The following DLGAP2 variants were observed in gnomAD, a reference collection of about 807,000 sequenced individuals.
The protein encoded by DLGAP2 is disks large-associated protein 2.
Under a neutral mutation model 100.3 loss-of-function variants are expected in DLGAP2, and 26 were observed. The ratio of observed to expected loss-of-function variants is 0.26; its 90% confidence interval spans 0.19 to 0.36. The LOEUF is 0.36. Among genes scored for constraint, DLGAP2 ranks in the 10% least tolerant of loss-of-function variants. The probability of loss-of-function intolerance (pLI) is 1.00; values close to 1 mark genes in which losing one functional copy is unlikely to be tolerated. For synonymous variants in DLGAP2, 886 were observed against 630.1 expected, an observed-to-expected ratio of 1.41 and a Z score of -6.08; for missense variants, 1,858 against 1,453.2, an observed-to-expected ratio of 1.28 and a Z score of -4.53.
At chr8:1,453,179 G>C (rs1798210941) in intron 3 of DLGAP2, among the ~76,000 whole-genome samples, 1 of 152,104 alleles carries the variant, frequency 6.6e-6, no homozygotes, top group African/African-American at 2.4e-5. Context: ...GGCTGGGGTG[G>C]CCTACTGAGC....
intron 12 of DLGAP2, 183 bp downstream of exon 12, chr8:1,678,812 C>T (rs752352415): frequency 6.0e-6 from 4 of 666,906 alleles, no homozygotes; most frequent in South Asian, 4.0e-5. Flanking sequence ...AAAAGAGAAG[C>T]AGTCACTACG....
chr8:826,443 T>C (rs1267579700), intron 1 of DLGAP2, among the ~76,000 whole-genome samples: 2 of 152,242 alleles, frequency 1.3e-5, no homozygotes, highest in Non-Finnish European at 2.9e-5. Context: ...TTTGCTCTTC[T>C]TTTTCAGGTT....
intron 2 of DLGAP2, among the ~76,000 whole-genome samples, chr8:1,164,528 C>G (rs527453712): frequency 1.3e-5 from 2 of 152,084 alleles, no homozygotes; most frequent in African/African-American, 4.8e-5. Flanking sequence ...TGGGAACTTT[C>G]CTCCCTTCCC....
intron 2 of DLGAP2, among the ~76,000 whole-genome samples, chr8:1,241,078 C>T (rs1423762473): frequency 9.5e-5 from 6 of 63,002 alleles, no homozygotes; most frequent in Non-Finnish European, 1.8e-4. Flanking sequence ...CACATGGTGA[C>T]GTGTCTAGTT....
intron 2 of DLGAP2, among the ~76,000 whole-genome samples, chr8:1,062,842 AAGG>A (rs1445473214): frequency 6.6e-6 from 1 of 152,192 alleles, no homozygotes; most frequent in Non-Finnish European, 1.5e-5. Context: ...CTGTAATTCT[AAGG>A]AGGCAAGTTC....
chr8:1,362,833 G>C (rs927275624), intron 3 of DLGAP2, among the ~76,000 whole-genome samples: 1 of 152,212 alleles, frequency 6.6e-6, no homozygotes, highest in African/African-American at 2.4e-5. Flanking sequence ...GGCTTCTCCT[G>C]GTGAATTTTG....
intron 3 of DLGAP2, among the ~76,000 whole-genome samples, chr8:1,483,001 T>C (rs1013387907): frequency 5.3e-5 from 8 of 152,216 alleles, no homozygotes; most frequent in African/African-American, 1.9e-4. Flanking sequence ...GGCGCACCTG[T>C]TCTTCCCTCC....
At chr8:1,628,823 C>A (rs1010895811) in intron 7 of DLGAP2, among the ~76,000 whole-genome samples, 10 of 152,336 alleles carry the variant, frequency 6.6e-5, no homozygotes, top group South Asian at 4.1e-4. Context: ...CACATTCTCT[C>A]TGACTTACTG....
intron 2 of DLGAP2, among the ~76,000 whole-genome samples, chr8:1,086,095 G>A (rs1803965076): frequency 6.6e-6 from 1 of 152,060 alleles, no homozygotes. Context: ...AAACACTAAT[G>A]ACTTTGGCAT....
intron 3 of DLGAP2, among the ~76,000 whole-genome samples, chr8:1,456,511 T>C (rs1247389387): frequency 2.6e-5 from 4 of 152,204 alleles, no homozygotes; most frequent in African/African-American, 7.2e-5. Flanking sequence ...AGGATTGTGA[T>C]AATGTGGTCC....
At chr8:1,466,287 G>A (rs1798622955) in intron 3 of DLGAP2, among the ~76,000 whole-genome samples, 1 of 152,096 alleles carries the variant, frequency 6.6e-6, no homozygotes, top group South Asian at 2.1e-4. Context: ...CTGACAATTT[G>A]GTGCCAGGCA....
At chr8:940,705 C>G (rs376786825) in intron 2 of DLGAP2, among the ~76,000 whole-genome samples, 2 of 152,282 alleles carry the variant, frequency 1.3e-5, no homozygotes, top group Non-Finnish European at 2.9e-5. Flanking sequence ...CCCATGTCTC[C>G]AGATGCTGGG....
intron 2 of DLGAP2, among the ~76,000 whole-genome samples, chr8:936,063 T>C (rs1799062948): frequency 6.6e-6 from 1 of 152,118 alleles, no homozygotes. Context: ...GGAAATTAGC[T>C]CGCGGAGCAC....
rs569828532 is a variant in DLGAP2, at chr8:1,682,497, G to T, written c.2704+3868G>T. ...ATATAGTATTTTTTTTTTTTTGAGA[G>T]GGAGTCTTGCTCTTTCTCCCAGGCT... On this transcript the variant is annotated intron_variant, in intron 12 of 14. Coordinates refer to ENST00000637795, the MANE Select transcript of DLGAP2 (RefSeq NM_001346810.2). Among the ~76,000 whole-genome samples the T allele has an allele frequency of 5.3e-5, 8 of 150,786 alleles. No individual in the cohort carries two copies. In the South Asian group the frequency reaches 1.7e-3, roughly 32 times the overall value.
intron 2 of DLGAP2, among the ~76,000 whole-genome samples, chr8:1,143,927 G>T (rs746709545): frequency 1.3e-5 from 2 of 152,226 alleles, no homozygotes; most frequent in African/African-American, 2.4e-5. Flanking sequence ...CTAGATGCAC[G>T]TGTGTTATTT....
intron 6 of DLGAP2, among the ~76,000 whole-genome samples, chr8:1,601,446 G>A (rs912841727): frequency 2.0e-4 from 30 of 152,312 alleles, no homozygotes; most frequent in Admixed American, 5.2e-4. Flanking sequence ...AGGCAGAAAC[G>A]TTTACGTCTG....
At chr8:1,486,001 T>C (rs1799228274) in intron 3 of DLGAP2, among the ~76,000 whole-genome samples, 1 of 152,184 alleles carries the variant, frequency 6.6e-6, no homozygotes, top group Non-Finnish European at 1.5e-5. Flanking sequence ...CACTCCAGCC[T>C]GGGTGACAGA....
chr8:1,629,271 G>A (rs1207559639), intron 7 of DLGAP2, among the ~76,000 whole-genome samples: 3 of 152,054 alleles, frequency 2.0e-5, no homozygotes, highest in Non-Finnish European at 4.4e-5. Context: ...TATCTACTCG[G>A]TTACTTCTTT....
At chr8:1,152,338 T>A (rs1355165576) in intron 2 of DLGAP2, among the ~76,000 whole-genome samples, 1 of 152,244 alleles carries the variant, frequency 6.6e-6, no homozygotes, top group Non-Finnish European at 1.5e-5. Context: ...AGTGTTAAAT[T>A]TCCCGCTAGA....
Sources: gnomAD v4.1 joint callset for allele counts (sites outside exome capture counted in the v4.1 genomes callset) on GRCh38, gnomAD v4.1.1 for gene constraint, MANE v1.5 for transcripts, NCBI Gene and HGNC (gene_info 2026-07-23, HGNC 2026-07-21) for gene names.